Variants in AGBL1 observed in about 807,000 individuals in gnomAD.
The protein encoded by AGBL1 is cytosolic carboxypeptidase 4.
In AGBL1, 130 loss-of-function variants were observed where a neutral mutation model predicts 118.9. The ratio of observed to expected loss-of-function variants is 1.09; its 90% CI spans 0.95 to 1.26. AGBL1 has a LOEUF of 1.26. AGBL1 is among the 50% of genes most tolerant of loss of function. The pLI is 0.00. For missense variants in AGBL1, 1,584 were observed against 1,298.1 expected, an observed-to-expected ratio of 1.22 and a Z score of -3.38; for synonymous variants, 555 against 478.9, an observed-to-expected ratio of 1.16 and a Z score of -2.08.
chr15:86,747,207 G>T (rs1288440253), intron 22 of AGBL1, among the ~76,000 whole-genome samples: 1 of 151,944 alleles, frequency 6.6e-6, no homozygotes, highest in African/African-American at 2.4e-5. Context: ...CATGAGAGGA[G>T]AATGTAAGAG....
intron 21 of AGBL1, among the ~76,000 whole-genome samples, chr15:86,563,808 G>A (rs2083869391): frequency 6.6e-6 from 1 of 152,048 alleles, no homozygotes; most frequent in South Asian, 2.1e-4. Context: ...TATGAATCTG[G>A]GTGCTCCTGT....
At position 86,494,416 on chromosome 15, in the gene AGBL1, C is replaced by T. The variant is rs140631462; in HGVS notation, c.2556-28394C>T. On this transcript the variant is annotated intron_variant, in intron 18 of 22. Transcript: ENST00000614907. ...GTTCTTTCTTATGGTCACACCTCAA[C>T]ATAAGAAAGTTGACTATGGAGTATC... is the stretch of plus-strand genomic sequence containing the variant. 2.0e-3 allele frequency among the ~76,000 whole-genome samples: 301 copies of T among 152,126 alleles called. 5 individuals carry two copies. In the East Asian group the frequency reaches 0.05, roughly 25 times the overall value.
chr15:86,348,970 C>G (rs889491107), intron 17 of AGBL1, among the ~76,000 whole-genome samples: 3 of 151,986 alleles, frequency 2.0e-5, no homozygotes, highest in Admixed American at 1.3e-4. Flanking sequence ...AGGGTGGGCC[C>G]AAATCCAAAG....
intron 5 of AGBL1, among the ~76,000 whole-genome samples, chr15:86,181,059 G>A (rs1406909644): frequency 1.3e-5 from 2 of 152,080 alleles, no homozygotes; most frequent in African/African-American, 2.4e-5. Context: ...ACACTTTGCT[G>A]GTGGGAATGG....
chr15:86,677,828 A>G (rs1381682323), intron 22 of AGBL1, among the ~76,000 whole-genome samples: 1 of 152,180 alleles, frequency 6.6e-6, no homozygotes, highest in Non-Finnish European at 1.5e-5. Flanking sequence ...ATAATTAAAA[A>G]GGTGCTTGAT....
At chr15:86,183,461 A>G (rs1434498783) in intron 5 of AGBL1, among the ~76,000 whole-genome samples, 1 of 152,222 alleles carries the variant, frequency 6.6e-6, no homozygotes, top group Non-Finnish European at 1.5e-5. Context: ...AAAAGCTCAG[A>G]GAAGACTCCA....
At chr15:86,610,744 C>T (rs1379257482) in intron 21 of AGBL1, among the ~76,000 whole-genome samples, 3 of 152,146 alleles carry the variant, frequency 2.0e-5, no homozygotes, top group Admixed American at 6.5e-5. Context: ...TACTTAACTT[C>T]GCTTCCCTAA....
chr15:86,085,911 T>C (rs1895614046), intron 1 of AGBL1, among the ~76,000 whole-genome samples: 1 of 152,342 alleles, frequency 6.6e-6, no homozygotes, highest in East Asian at 1.9e-4. Flanking sequence ...ATCCCCACTC[T>C]CAAATTGAGA....
At chr15:86,585,376 T>A (rs576955159) in intron 21 of AGBL1, among the ~76,000 whole-genome samples, 39 of 127,356 alleles carry the variant, frequency 3.1e-4, no homozygotes, top group African/African-American at 1.0e-3. Flanking sequence ...ACAGAACTCC[T>A]TTTATTGTTT....
At chr15:86,421,727 C>T (rs1330564169) in intron 18 of AGBL1, among the ~76,000 whole-genome samples, 5 of 152,124 alleles carry the variant, frequency 3.3e-5, no homozygotes, top group East Asian at 1.9e-4. Flanking sequence ...CAAAGACACA[C>T]ATAGGCTCAA....
intron 17 of AGBL1, among the ~76,000 whole-genome samples, chr15:86,308,677 C>G (rs2079876619): frequency 6.6e-6 from 1 of 152,182 alleles, no homozygotes; most frequent in African/African-American, 2.4e-5. Flanking sequence ...ATATAAGAGA[C>G]TGTCCTTTCC....
intron 17 of AGBL1, among the ~76,000 whole-genome samples, chr15:86,357,916 A>G (rs1414508119): frequency 6.6e-6 from 1 of 152,124 alleles, no homozygotes; most frequent in Non-Finnish European, 1.5e-5. Context: ...AAAATTCTAT[A>G]TATTTAAGAG....
intron 22 of AGBL1, among the ~76,000 whole-genome samples, chr15:86,859,600 A>C (rs1567211090): frequency 6.6e-6 from 1 of 152,162 alleles, no homozygotes; most frequent in Non-Finnish European, 1.5e-5. Flanking sequence ...GCATTCTGCT[A>C]TCTGGACAAA....
At chr15:86,588,132 G>C (rs1374483564) in intron 21 of AGBL1, among the ~76,000 whole-genome samples, 1 of 152,164 alleles carries the variant, frequency 6.6e-6, no homozygotes, top group African/African-American at 2.4e-5. Flanking sequence ...GTGGGTTTAA[G>C]AATAAAGTTC....
intron 24 of AGBL1, among the ~76,000 whole-genome samples, chr15:87,020,761 G>A (rs12592366): frequency 6.6e-6 from 1 of 152,086 alleles, no homozygotes; most frequent in East Asian, 1.9e-4. Flanking sequence ...GCTACAAAAA[G>A]GATAAAATAC....
chr15:87,002,147 A>C (rs1482159848), intron 24 of AGBL1, among the ~76,000 whole-genome samples: 2 of 152,036 alleles, frequency 1.3e-5, no homozygotes, highest in Admixed American at 6.6e-5. Context: ...TCTTGAATTA[A>C]TTTTTGTATA....
At chr15:86,143,163 A>G (rs1315196093) in intron 2 of AGBL1, among the ~76,000 whole-genome samples, 2 of 152,302 alleles carry the variant, frequency 1.3e-5, no homozygotes, top group East Asian at 1.9e-4. Flanking sequence ...CCTAGATAGG[A>G]TGATTGGATG....
intron 18 of AGBL1, among the ~76,000 whole-genome samples, chr15:86,473,107 G>T (rs931934449): frequency 6.6e-6 from 1 of 152,042 alleles, no homozygotes; most frequent in Non-Finnish European, 1.5e-5. Flanking sequence ...GCCTTTATAA[G>T]TCCTTTATAG....
chr15:86,383,812 C>G (rs890112158), intron 17 of AGBL1, among the ~76,000 whole-genome samples: 7 of 152,194 alleles, frequency 4.6e-5, no homozygotes, highest in African/African-American at 1.7e-4. Flanking sequence ...TTGGATCTTT[C>G]TCCTGTTCTA....
Sources: gnomAD v4.1 joint callset for allele counts (sites outside exome capture counted in the v4.1 genomes callset) on GRCh38, gnomAD v4.1.1 for gene constraint, MANE v1.5 for transcripts, NCBI Gene and HGNC (gene_info 2026-07-23, HGNC 2026-07-21) for gene names.